Variants in FAT3 observed in about 807,000 individuals in gnomAD.
FAT3 encodes the protein FAT atypical cadherin 3.
Under a neutral mutation model 310.2 loss-of-function variants are expected in FAT3, and 95 were observed. The observed-to-expected ratio is 0.31, with a 90% confidence interval of 0.26 to 0.36. FAT3 has a LOEUF of 0.36. FAT3 is among the 10% of genes least tolerant of loss of function. The pLI is 1.00. For synonymous variants in FAT3, 2,314 were observed against 2,192.9 expected (o/e 1.06, Z -1.54); for missense variants, 5,408 against 5,715.6 (o/e 0.95, Z 1.74).
intron 1 of FAT3, among the ~76,000 whole-genome samples, chr11:92,292,987 G>A (rs1379594131): frequency 6.8e-6 from 1 of 148,098 alleles, no homozygotes; most frequent in Non-Finnish European, 1.5e-5. Context: ...AATAGCCACA[G>A]CCTGGACAAC....
chr11:92,463,247 AT>A (rs1462449369), intron 2 of FAT3, among the ~76,000 whole-genome samples: 3 of 152,230 alleles, frequency 2.0e-5, no homozygotes, highest in African/African-American at 7.2e-5. Context: ...GCATGCTCTC[AT>A]TTTGTATCAG....
chr11:92,785,391 A>G (rs547003241), intron 7 of FAT3, among the ~76,000 whole-genome samples: 10 of 152,302 alleles, frequency 6.6e-5, no homozygotes, highest in Admixed American at 2.6e-4. Context: ...AGCCAATGCA[A>G]TTAGACAAGA....
intron 2 of FAT3, among the ~76,000 whole-genome samples, chr11:92,466,712 C>T (rs949327576): frequency 6.9e-6 from 1 of 145,448 alleles, no homozygotes; most frequent in African/African-American, 2.5e-5. Context: ...AGGTGTATCT[C>T]CTAATGCTAT....
At chr11:92,502,808 A>G (rs562117250) in intron 2 of FAT3, among the ~76,000 whole-genome samples, 16 of 152,072 alleles carry the variant, frequency 1.1e-4, no homozygotes, top group Non-Finnish European at 2.1e-4. Flanking sequence ...TTTGATCATC[A>G]TGATGTACTT....
At position 92,699,503 on chromosome 11, in the gene FAT3, T is replaced by A. The variant is rs112062753; in HGVS notation, c.3669+2058T>A. On this transcript the variant is annotated intron_variant, in intron 4 of 27. Transcript: ENST00000525166. ...TCTATTATGCATTGTTATAAAAAAA[T>A]TTTTTAAATGCTTGGGATTCGAAAT... Among the ~76,000 whole-genome samples the A allele has an allele frequency of 1.9e-3, 293 of 152,318 alleles. 1 individual carries two copies. Among genetic ancestry groups the A allele is most frequent in the African/African-American group, 4.2e-3 (174 of 41,576 alleles).
Position 92,353,826 on chromosome 11 carries a change from AACG to A in FAT3, c.1717_1719del (p.Asp573del). 1.2e-6 allele frequency: 2 copies of A among 1,613,774 alleles called. No individual in the cohort carries two copies. The highest frequency in any genetic ancestry group is 8.5e-7 in the Non-Finnish European group (1 of 1,179,798). ...TGTGACTATTCGAATAGGAAATGTC[AACG>A]ACAACAGCCCTCTCTTTGAAAAAGT... On this transcript the variant is annotated inframe_deletion, in exon 2 of 28. Transcript: ENST00000525166.
intron 2 of FAT3, among the ~76,000 whole-genome samples, chr11:92,480,609 T>C (rs2135191624): frequency 6.6e-6 from 1 of 152,286 alleles, no homozygotes; most frequent in African/African-American, 2.4e-5. Context: ...CAAAATGTAA[T>C]ATGTCCATTC....
chr11:92,364,215 A>G (rs978317654), intron 2 of FAT3, among the ~76,000 whole-genome samples: 1 of 152,224 alleles, frequency 6.6e-6, no homozygotes, highest in Non-Finnish European at 1.5e-5. Context: ...ATATTTAATA[A>G]TAGACATTTT....
intron 1 of FAT3, among the ~76,000 whole-genome samples, chr11:92,229,444 T>G (rs1212813977): frequency 1.3e-5 from 2 of 151,314 alleles, no homozygotes; most frequent in Non-Finnish European, 2.9e-5. Context: ...TATCTACTCC[T>G]TTAATAAGCT....
intron 22 of FAT3, among the ~76,000 whole-genome samples, chr11:92,867,420 C>T (rs1949277803): frequency 6.6e-6 from 1 of 152,218 alleles, no homozygotes; most frequent in Admixed American, 6.5e-5. Flanking sequence ...TTTGCAGCTT[C>T]CCATAGGTGC....
intron 1 of FAT3, among the ~76,000 whole-genome samples, chr11:92,305,295 G>T (rs1033492441): frequency 3.3e-5 from 5 of 152,054 alleles, no homozygotes; most frequent in African/African-American, 1.2e-4. Flanking sequence ...TCTTTTAAAA[G>T]TCCCTATTCT....
intron 1 of FAT3, among the ~76,000 whole-genome samples, chr11:92,281,736 G>A (rs981396343): frequency 2.6e-5 from 4 of 152,092 alleles, no homozygotes; most frequent in East Asian, 3.9e-4. Flanking sequence ...CACCCTAATC[G>A]CTCACTGGTC....
intron 2 of FAT3, among the ~76,000 whole-genome samples, chr11:92,513,511 C>T (rs1255939172): frequency 2.6e-5 from 4 of 152,028 alleles, no homozygotes; most frequent in Non-Finnish European, 5.9e-5. Context: ...GAGTTTGACT[C>T]TTGAAGAAAT....
chr11:92,274,667 T>C (rs566767536), intron 1 of FAT3, among the ~76,000 whole-genome samples: 2 of 152,260 alleles, frequency 1.3e-5, no homozygotes, highest in African/African-American at 2.4e-5. Context: ...TTAAAAGCTT[T>C]ATATTTTTCT....
intron 2 of FAT3, among the ~76,000 whole-genome samples, chr11:92,438,823 G>A (rs1565317404): frequency 6.6e-6 from 1 of 152,186 alleles, no homozygotes; most frequent in Non-Finnish European, 1.5e-5. Flanking sequence ...ACAAGGTAAA[G>A]TTTGGACTCC....
intron 3 of FAT3, among the ~76,000 whole-genome samples, chr11:92,636,530 G>A (rs1221609452): frequency 1.3e-5 from 2 of 152,118 alleles, no homozygotes; most frequent in Non-Finnish European, 2.9e-5. Flanking sequence ...TTAATTGTTG[G>A]GCAGTGAGTT....
chr11:92,493,630 C>T (rs964270520), intron 2 of FAT3, among the ~76,000 whole-genome samples: 4 of 152,052 alleles, frequency 2.6e-5, no homozygotes, highest in Non-Finnish European at 5.9e-5. Flanking sequence ...ACTTGTAATA[C>T]TTACAGTGTG....
Position 92,646,144 on chromosome 11 carries a change from G to A in FAT3, c.3608-51240G>A, listed in dbSNP as rs575234582. On this transcript the variant is annotated intron_variant, in intron 3 of 27. Coordinates refer to ENST00000525166, the MANE Select transcript of FAT3 (RefSeq NM_001367949.2). ...GATGAGAATTCTTTAGTTCCGGATGGCATTGATGGAGGTCACTTGGTGGTG... is the reference window on the plus strand; with the variant it reads ...GATGAGAATTCTTTAGTTCCGGATGACATTGATGGAGGTCACTTGGTGGTG... 3.3e-5 allele frequency among the ~76,000 whole-genome samples: 5 copies of A among 152,290 alleles called. No individual in the cohort carries two copies. In the East Asian group the frequency reaches 9.7e-4, roughly 29 times the overall value.
At chr11:92,551,704 A>G (rs549674276) in intron 3 of FAT3, among the ~76,000 whole-genome samples, 1 of 152,276 alleles carries the variant, frequency 6.6e-6, no homozygotes, top group African/African-American at 2.4e-5. Flanking sequence ...AGTGAAATAT[A>G]TTTAGACTAA....
Sources: allele counts gnomAD v4.1 joint callset (sites outside exome capture counted in the v4.1 genomes callset), GRCh38; gene constraint gnomAD v4.1.1; transcripts MANE v1.5; gene names NCBI Gene and HGNC (gene_info 2026-07-23, HGNC 2026-07-21).